PTK2: variants seen among roughly 807,000 people sequenced by gnomAD.
PTK2 encodes protein tyrosine kinase 2.
PTK2 carries 45 observed loss-of-function variants against 150.1 expected under a neutral mutation model. The observed-to-expected ratio is 0.30, with a 90% CI of 0.24 to 0.38. The LOEUF is 0.38. PTK2 is among the 10% of genes least tolerant of loss of function. The pLI is 1.00. For synonymous variants in PTK2, 432 were observed against 449.2 expected (o/e 0.96, Z 0.48); for missense variants, 919 against 1,307.3 (o/e 0.70, Z 4.58).
intron 26 of PTK2, among the ~76,000 whole-genome samples, chr8:140,693,952 G>A (rs2100024794): frequency 6.6e-6 from 1 of 152,192 alleles, no homozygotes; most frequent in Non-Finnish European, 1.5e-5. Flanking sequence ...GTAAATGGCA[G>A]GGCCAGAGCA....
intron 14 of PTK2, among the ~76,000 whole-genome samples, chr8:140,777,496 T>TCCAAAA (rs1726383491): frequency 6.6e-6 from 1 of 152,194 alleles, no homozygotes; most frequent in Non-Finnish European, 1.5e-5. Flanking sequence ...AGGCCCCACC[T>TCCAAAA]CCAAAACTGG....
chr8:140,706,195 G>A (rs774124653), exon 24 of PTK2: 11 of 1,612,250 alleles, frequency 6.8e-6, no homozygotes, highest in Non-Finnish European at 9.3e-6. Flanking sequence ...GGGATAACCC[G>A]GTCTGCTGGG....
chr8:140,934,765 T>C (rs1433271100), intron 1 of PTK2, among the ~76,000 whole-genome samples: 2 of 152,234 alleles, frequency 1.3e-5, no homozygotes, highest in African/African-American at 4.8e-5. Context: ...GCTATGACAG[T>C]GATGAAATTT....
chr8:140,905,122 T>C (rs775414958), intron 2 of PTK2, among the ~76,000 whole-genome samples: 1 of 152,204 alleles, frequency 6.6e-6, no homozygotes, highest in Non-Finnish European at 1.5e-5. Flanking sequence ...CTTTCTCTTA[T>C]GGACATTTAG....
intron 1 of PTK2, among the ~76,000 whole-genome samples, chr8:140,985,217 G>A (rs769135209): frequency 2.0e-4 from 30 of 151,876 alleles, no homozygotes; most frequent in Admixed American, 2.0e-4. Context: ...TCAACCTTCC[G>A]GGCTCAAGCA....
intron 7 of PTK2, chr8:140,832,832 T>C (rs1048470558): frequency 9.6e-6 from 5 of 518,504 alleles, no homozygotes; most frequent in African/African-American, 1.9e-5. Flanking sequence ...AAGGTGTACG[T>C]GCACGCCCTT....
At chr8:140,787,744 A>G (rs1283939669) in intron 14 of PTK2, among the ~76,000 whole-genome samples, 2 of 152,194 alleles carry the variant, frequency 1.3e-5, no homozygotes, top group African/African-American at 2.4e-5. Flanking sequence ...TTCTCTCTTG[A>G]TCAAGCCTGG....
chr8:140,675,543 T>G, intron 27 of PTK2, 44 bp from the exon 31 acceptor site: 2 of 1,429,104 alleles, frequency 1.4e-6, no homozygotes, highest in Non-Finnish European at 2.0e-6. Flanking sequence ...GTATATACAC[T>G]TGGGCAATGA....
At chr8:140,832,873 A>G (rs751470517) in intron 7 of PTK2, 1 of 518,986 alleles carries the variant, frequency 1.9e-6, no homozygotes, top group African/African-American at 1.9e-5. Flanking sequence ...GCAACTGGCC[A>G]TGTTTCAAGA....
chr8:140,918,797 G>A (rs781301627), intron 2 of PTK2, among the ~76,000 whole-genome samples: 1 of 152,340 alleles, frequency 6.6e-6, no homozygotes, highest in Non-Finnish European at 1.5e-5. Context: ...GGTTTAGAAT[G>A]TCTAACTGCA....
intron 2 of PTK2, among the ~76,000 whole-genome samples, chr8:140,905,998 T>C (rs1378270638): frequency 1.3e-5 from 2 of 151,768 alleles, no homozygotes; most frequent in Non-Finnish European, 2.9e-5. Flanking sequence ...TGCCAGATCC[T>C]GTCTCTAAAA....
At chr8:140,675,262 T>C (rs1331637054) in intron 28 of PTK2, among the ~76,000 whole-genome samples, 198 bp downstream of exon 31, 1 of 151,844 alleles carries the variant, frequency 6.6e-6, no homozygotes, top group Non-Finnish European at 1.5e-5. Context: ...AGGAGGTATT[T>C]CTGATGCATT....
intron 1 of PTK2, among the ~76,000 whole-genome samples, chr8:140,989,157 T>C (rs1027664604): frequency 3.7e-5 from 5 of 135,518 alleles, no homozygotes; most frequent in Non-Finnish European, 7.6e-5. Context: ...GCGGGAGGAC[T>C]GGTTGAGCTC....
chr8:140,657,963 G>A (rs984005610), exon 32 of PTK2: 6 of 152,206 alleles, frequency 3.9e-5, no homozygotes, highest in African/African-American at 1.4e-4. Context: ...TCCCTTTGGA[G>A]TCTGAGTCCC....
chr8:140,892,418 C>A (rs2100154555), intron 2 of PTK2, among the ~76,000 whole-genome samples: 1 of 152,084 alleles, frequency 6.6e-6, no homozygotes, highest in Admixed American at 6.6e-5. Context: ...TGCTTGTGGT[C>A]CCAGCTACTT....
Position 140,744,874 on chromosome 8 carries a change from C to G in PTK2, c.1519-107G>C, listed in dbSNP as rs905315403. 5 of 535,190 alleles carry G rather than the reference C, an allele frequency of 9.3e-6. No homozygotes were observed. The African/African-American group carries it at 9.4e-5, about 10-fold the overall frequency. The allele number at this position is 535,190 out of a possible 1,614,324, so 33.2% of individuals were successfully genotyped here. ...TTCAACAATAATGCTGTTTTCAATG[C>G]ATTTTTAATAATATTAGAATGGCTT... On this transcript the variant is annotated intron_variant, in intron 18 of 31. Coordinates refer to ENST00000522684, the Ensembl canonical transcript of PTK2.
At chr8:140,985,081 A>G (rs11167016) in intron 1 of PTK2, among the ~76,000 whole-genome samples, 68,106 of 152,086 alleles carry the variant, frequency 0.45, 16,317 homozygotes, top group Non-Finnish European at 0.55. Flanking sequence ...AATACTGTGC[A>G]AATGGACAGA....
chr8:140,970,837 G>A (rs1220916323), intron 1 of PTK2, among the ~76,000 whole-genome samples: 2 of 151,618 alleles, frequency 1.3e-5, no homozygotes, highest in South Asian at 2.1e-4. Context: ...ACTTAACCAT[G>A]TTAAGTTGTC....
rs1386779889 is a variant in PTK2 at position 140,793,256 on chromosome 8, T to C, written c.1124+98A>G. ...TTCCTAGTTCCTTGATCATGTATATTGAATTTAATTTTTTTAGGAAAATGA... is the reference window on the plus strand; with the variant it reads ...TTCCTAGTTCCTTGATCATGTATATCGAATTTAATTTTTTTAGGAAAATGA... On this transcript the variant is annotated intron_variant, in intron 13 of 31. Transcript: ENST00000522684. The C allele has an allele frequency of 3.0e-6, 4 of 1,354,414 alleles. No homozygotes were observed. In the East Asian group the frequency reaches 7.4e-5, roughly 25 times the overall value. The allele number at this position is 1,354,414 out of a possible 1,614,324, so 83.9% of individuals were successfully genotyped here. A position where few individuals can be genotyped will look rare whatever the true frequency, so the allele number is the denominator to read the frequency against.
Sources: gnomAD v4.1 joint callset for allele counts (sites outside exome capture counted in the v4.1 genomes callset) on GRCh38, gnomAD v4.1.1 for gene constraint, MANE v1.5 for transcripts, NCBI Gene and HGNC (gene_info 2026-07-23, HGNC 2026-07-21) for gene names.